Variants in FRYL observed in about 807,000 individuals in gnomAD.
The protein encoded by FRYL is FRY like transcription coactivator.
A neutral mutation model predicts 351.2 loss-of-function variants in FRYL; 150 were observed. The observed-to-expected ratio is 0.43, with a 90% CI of 0.37 to 0.49. The LOEUF is 0.49. Ranked by LOEUF, FRYL falls within the 20% of genes least tolerant of loss-of-function variation. The pLI, the probability that FRYL is intolerant of heterozygous loss-of-function variation, is 0.00. For missense variants in FRYL, 3,036 were observed against 3,619.3 expected (o/e 0.84, Z 4.13); for synonymous variants, 1,153 against 1,257.1 (o/e 0.92, Z 1.75).
intron 53 of FRYL, among the ~76,000 whole-genome samples, chr4:48,526,265 T>C (rs1395065125): frequency 6.6e-6 from 1 of 152,186 alleles, no homozygotes; most frequent in East Asian, 1.9e-4. Flanking sequence ...TCTTCTTGCA[T>C]ACAGATATTT....
intron 1 of FRYL, among the ~76,000 whole-genome samples, chr4:48,739,296 G>C (rs1429879605): frequency 6.6e-6 from 1 of 151,648 alleles, no homozygotes; most frequent in Non-Finnish European, 1.5e-5. Flanking sequence ...AGCTACTCAG[G>C]AGGCTGAGAA....
At chr4:48,760,444 T>A (rs563151956) in intron 1 of FRYL, among the ~76,000 whole-genome samples, 49 of 152,220 alleles carry the variant, frequency 3.2e-4, no homozygotes, top group Non-Finnish European at 5.7e-4. Flanking sequence ...GAAGAATTTA[T>A]CTTAGGGTTG....
intron 44 of FRYL, among the ~76,000 whole-genome samples, chr4:48,543,401 A>G (rs901718023): frequency 2.6e-5 from 4 of 152,210 alleles, no homozygotes; most frequent in African/African-American, 9.7e-5. Context: ...CCTGATATTT[A>G]TAACAGCGTT....
At position 48,579,246 on chromosome 4, in the gene FRYL, A is replaced by G. The variant is rs749921025; in HGVS notation, c.2260-5T>C. The stretch of plus-strand genomic sequence containing the variant: ...AGGGCAATAGAGCAAAGTAGTCTAT[A>G]TGGAGAGGAAAAAATTGATTATTAC... On this transcript the variant is annotated splice_region_variant and splice_polypyrimidine_tract_variant and intron_variant, in intron 22 of 63. Transcript: ENST00000358350. 4 of 1,577,088 alleles carry G rather than the reference A, an allele frequency of 2.5e-6. No individual in the cohort carries two copies. In the African/African-American group the frequency reaches 5.5e-5, roughly 22 times the overall value.
rs565699928 is a variant in FRYL at position 48,634,437 on chromosome 4, A to G, written c.-27T>C. On this transcript the variant is annotated 5_prime_UTR_variant, in exon 4 of 64. Transcript: ENST00000358350. Reference sequence around the variant, plus strand: ...ATGATATTTTTTTTTCCCCAAGTGGAATGAAAGTTGGAAGAAGCACAGTAT... The same window carrying G: ...ATGATATTTTTTTTTCCCCAAGTGGGATGAAAGTTGGAAGAAGCACAGTAT... 3.1e-6 allele frequency: 5 copies of G among 1,612,856 alleles called. No individual in the cohort carries two copies. In the African/African-American group the frequency reaches 6.7e-5, roughly 22 times the overall value.
Position 48,729,848 on chromosome 4 carries a change from C to T in FRYL, c.-383-19150G>A, listed in dbSNP as rs114940014. Among the ~76,000 whole-genome samples the T allele has an allele frequency of 8.1e-3, 1,232 of 152,282 alleles. 16 individuals carry two copies. The highest frequency in any genetic ancestry group is 0.028 in the African/African-American group (1,171 of 41,556). ...ACGCCTCTTCTCATCCAAAGGAACA[C>T]AACTCCTCGCCACCAAGGGAACAAA... On this transcript the variant is annotated intron_variant, in intron 1 of 63. Transcript: ENST00000358350.
chr4:48,633,324 T>C (rs138638712), intron 4 of FRYL, among the ~76,000 whole-genome samples: 2 of 152,356 alleles, frequency 1.3e-5, no homozygotes, highest in African/African-American at 4.8e-5. Context: ...CTCTACGTCA[T>C]TGGCAATAAT....
intron 1 of FRYL, among the ~76,000 whole-genome samples, chr4:48,749,343 A>G (rs1444997273): frequency 6.6e-6 from 1 of 152,228 alleles, no homozygotes; most frequent in Admixed American, 6.5e-5. Flanking sequence ...CCCAGCTATC[A>G]GCTCTGTTCC....
chr4:48,779,523 G>T (rs926529051), intron 1 of FRYL, among the ~76,000 whole-genome samples: 82 of 151,780 alleles, frequency 5.4e-4, no homozygotes, highest in Non-Finnish European at 1.6e-4. Flanking sequence ...GCCGGTCCCC[G>T]CCAGCCCTGC....
intron 2 of FRYL, among the ~76,000 whole-genome samples, chr4:48,709,858 C>T (rs1446352234): frequency 6.6e-6 from 1 of 152,192 alleles, no homozygotes; most frequent in East Asian, 1.9e-4. Context: ...ACTTACTTCT[C>T]TATTATGCTA....
chr4:48,777,109 T>C (rs1210981916), intron 1 of FRYL, among the ~76,000 whole-genome samples: 1 of 152,204 alleles, frequency 6.6e-6, no homozygotes, highest in Non-Finnish European at 1.5e-5. Context: ...ATAAATACTC[T>C]GTCATCGGTT....
At chr4:48,551,448 G>A (rs1560587245) in intron 37 of FRYL, 46 bp downstream of exon 37, 1 of 1,001,560 alleles carries the variant, frequency 1.0e-6, no homozygotes, top group Admixed American at 2.1e-5. Flanking sequence ...ATGACAACCA[G>A]TATCTGTCAA....
intron 56 of FRYL, among the ~76,000 whole-genome samples, chr4:48,512,921 A>G (rs1428722543): frequency 6.6e-6 from 1 of 152,186 alleles, no homozygotes; most frequent in Non-Finnish European, 1.5e-5. Context: ...CTACCTTAAA[A>G]TAACCCAAGT....
At chr4:48,760,008 C>T (rs1265912767) in intron 1 of FRYL, among the ~76,000 whole-genome samples, 2 of 152,150 alleles carry the variant, frequency 1.3e-5, no homozygotes, top group African/African-American at 2.4e-5. Context: ...CTTATTTGAT[C>T]CTCACAACTC....
In FRYL at chr4:48,531,219, A is replaced by C. The variant is rs933761951; in HGVS notation, c.6840T>G (p.Ile2280Met). Residue 2280 changes from isoleucine (I) to methionine (M), a missense_variant, in exon 50 of 64, where the codon ATT becomes ATG. Coordinates refer to ENST00000358350, the MANE Select transcript of FRYL (RefSeq NM_015030.2). ...GCAACTCCTTAGAAACATTATTAAAAATTTTAGTGAAGGATATTTCAGGAG... is the reference window on the plus strand; with the variant it reads ...GCAACTCCTTAGAAACATTATTAAACATTTTAGTGAAGGATATTTCAGGAG... ...TGSPEISFTKIFNNVSKELPG... is the reference protein window; with the variant it reads ...TGSPEISFTKMFNNVSKELPG... 1 of 1,612,714 alleles carries C rather than the reference A, an allele frequency of 6.2e-7. No homozygotes were observed.
chr4:48,637,833 A>G (rs922203018), intron 3 of FRYL: 4 of 152,122 alleles, frequency 2.6e-5, no homozygotes, highest in African/African-American at 9.7e-5. Context: ...CATGCTGATG[A>G]GACTCCTAAA....
At chr4:48,522,815 C>T in intron 54 of FRYL, 86 bp downstream of exon 54, 1 of 958,792 alleles carries the variant, frequency 1.0e-6, no homozygotes, top group Non-Finnish European at 1.7e-6. Context: ...TGCATTTCAC[C>T]CATGCACAAG....
At chr4:48,523,174 AG>A (rs776620869) in intron 53 of FRYL, 70 bp from the exon 54 acceptor site, 11 of 1,009,394 alleles carry the variant, frequency 1.1e-5, no homozygotes, top group Non-Finnish European at 1.7e-5. Flanking sequence ...GTAATATACC[AG>A]AAAAACATAT....
At chr4:48,577,759 C>T (rs1739940220) in intron 23 of FRYL, among the ~76,000 whole-genome samples, 1 of 151,430 alleles carries the variant, frequency 6.6e-6, no homozygotes, top group African/African-American at 2.4e-5. Flanking sequence ...AGCTATAATC[C>T]CAGCACTTTG....
Sources: gnomAD v4.1 joint callset for allele counts (sites outside exome capture counted in the v4.1 genomes callset) on GRCh38, gnomAD v4.1.1 for gene constraint, MANE v1.5 for transcripts, NCBI Gene and HGNC (gene_info 2026-07-23, HGNC 2026-07-21) for gene names.